The following GTF2E2 variants were observed in gnomAD, a reference collection of about 807,000 sequenced individuals.
GTF2E2 encodes the protein general transcription factor IIE subunit 2.
GTF2E2 carries 21 observed loss-of-function variants against 40.5 expected under a neutral mutation model. The ratio of observed to expected loss-of-function variants is 0.52; its 90% CI spans 0.37 to 0.75. The LOEUF (loss-of-function observed/expected upper bound fraction) is 0.75. GTF2E2 is among the 30% of genes least tolerant of loss of function. The pLI is 0.00. For missense variants in GTF2E2, 298 were observed against 338.4 expected, an observed-to-expected ratio of 0.88 and a Z score of 0.94; for synonymous variants, 117 against 121.6, an observed-to-expected ratio of 0.96 and a Z score of 0.25.
At chr8:30,580,539 C>T in intron 6 of GTF2E2, 143 bp from the exon 7 acceptor site, 2 of 621,666 alleles carry the variant, frequency 3.2e-6, no homozygotes, top group South Asian at 3.8e-5. Context: ...CAGGGCAGAA[C>T]ATCCACATGT....
At chr8:30,609,256 A>G (rs1829411288) in intron 5 of GTF2E2, among the ~76,000 whole-genome samples, 1 of 108,560 alleles carries the variant, frequency 9.2e-6, no homozygotes, top group Non-Finnish European at 1.9e-5. Flanking sequence ...ACAGAAAGAG[A>G]CTCCGCCTCA....
intron 2 of GTF2E2, chr8:30,643,449 G>C (rs376422443): frequency 3.3e-5 from 5 of 152,332 alleles, no homozygotes; most frequent in African/African-American, 1.2e-4. Flanking sequence ...ACAAGGTCAG[G>C]AGTTTGAGAC....
At chr8:30,616,913 T>C (rs1046729986) in intron 3 of GTF2E2, among the ~76,000 whole-genome samples, 3 of 152,072 alleles carry the variant, frequency 2.0e-5, no homozygotes, top group Admixed American at 2.0e-4. Context: ...TAAGTATACA[T>C]TTGAACTTTG....
chr8:30,623,211 G>A (rs982821238), intron 3 of GTF2E2, among the ~76,000 whole-genome samples: 5 of 151,952 alleles, frequency 3.3e-5, no homozygotes, highest in South Asian at 2.1e-4. Flanking sequence ...GGTTTCAGTC[G>A]GTCCCTCCAT....
At chr8:30,616,869 A>T (rs1186226036) in intron 3 of GTF2E2, among the ~76,000 whole-genome samples, 1 of 152,150 alleles carries the variant, frequency 6.6e-6, no homozygotes, top group Admixed American at 6.5e-5. Context: ...AAACATATGC[A>T]CTATGAACCC....
intron 5 of GTF2E2, among the ~76,000 whole-genome samples, chr8:30,610,569 A>G (rs1191548106): frequency 6.6e-6 from 1 of 152,194 alleles, no homozygotes; most frequent in Admixed American, 6.5e-5. Flanking sequence ...GATCTTCCAC[A>G]TGAGTACCAA....
At chr8:30,655,196 CAA>C (rs11452838) in intron 1 of GTF2E2, among the ~76,000 whole-genome samples, 6 of 134,036 alleles carry the variant, frequency 4.5e-5, no homozygotes, top group Admixed American at 7.6e-5. Flanking sequence ...AACTCTGTCT[CAA>C]AAAAAAAAAA....
chr8:30,614,290 ACATTCTAGGCAAGGCG>A (rs1800841835), intron 4 of GTF2E2, among the ~76,000 whole-genome samples: 1 of 152,176 alleles, frequency 6.6e-6, no homozygotes, highest in African/African-American at 2.4e-5. Flanking sequence ...CCATATTAAA[ACATTCTAGGCAAGGCG>A]CAGTGGCTCA....
chr8:30,648,446 C>A (rs1802169743), intron 2 of GTF2E2, among the ~76,000 whole-genome samples: 1 of 152,218 alleles, frequency 6.6e-6, no homozygotes, highest in African/African-American at 2.4e-5. Flanking sequence ...CCTAGCAATC[C>A]AATGACCGTG....
chr8:30,652,819 A>G (rs1314514596), intron 2 of GTF2E2, among the ~76,000 whole-genome samples: 1 of 152,248 alleles, frequency 6.6e-6, no homozygotes, highest in African/African-American at 2.4e-5. Flanking sequence ...ATAACCGTTT[A>G]TTGGTGAATG....
chr8:30,626,130 C>T (rs1018203219), intron 3 of GTF2E2, among the ~76,000 whole-genome samples: 1 of 152,184 alleles, frequency 6.6e-6, no homozygotes, highest in African/African-American at 2.4e-5. Context: ...AATTTTTACA[C>T]ACCAAGAGTC....
chr8:30,593,923 ATTTT>A (rs938563855), intron 6 of GTF2E2, among the ~76,000 whole-genome samples: 79 of 151,796 alleles, frequency 5.2e-4, no homozygotes, highest in Non-Finnish European at 9.7e-4. Flanking sequence ...GTCTATATTT[ATTTT>A]TTATTTTTTT....
intron 2 of GTF2E2, among the ~76,000 whole-genome samples, chr8:30,650,669 G>A (rs1802242359): frequency 6.7e-6 from 1 of 149,968 alleles, no homozygotes; most frequent in African/African-American, 2.5e-5. Context: ...AGTGAGCCAT[G>A]ATCATGCCCG....
intron 2 of GTF2E2, chr8:30,636,847 G>A (rs1409737383): frequency 8.6e-5 from 28 of 326,252 alleles, no homozygotes; most frequent in African/African-American, 4.1e-4. Flanking sequence ...GTGAGACTCC[G>A]TCTCAAAATT....
At chr8:30,580,558 G>A (rs893183178) in intron 6 of GTF2E2, among the ~76,000 whole-genome samples, 162 bp from the exon 7 acceptor site, 1 of 152,176 alleles carries the variant, frequency 6.6e-6, no homozygotes, top group Non-Finnish European at 1.5e-5. Context: ...GTGGGACACG[G>A]TGCAGGGAAA....
chr8:30,593,257 C>T (rs1034442498), intron 6 of GTF2E2, among the ~76,000 whole-genome samples: 1 of 152,140 alleles, frequency 6.6e-6, no homozygotes, highest in Admixed American at 6.5e-5. Flanking sequence ...TTCTATAAAT[C>T]CCAATTAGGT....
At chr8:30,599,897 C>T (rs1829125774) in intron 6 of GTF2E2, among the ~76,000 whole-genome samples, 1 of 152,100 alleles carries the variant, frequency 6.6e-6, no homozygotes, top group Non-Finnish European at 1.5e-5. Flanking sequence ...GCAGAAGAAT[C>T]GCTTGAACCC....
intron 6 of GTF2E2, among the ~76,000 whole-genome samples, chr8:30,587,928 T>C (rs964180030): frequency 1.3e-5 from 2 of 148,658 alleles, no homozygotes; most frequent in African/African-American, 5.0e-5. Flanking sequence ...TTGCTCATCA[T>C]TGCTAATCAT....
At chr8:30,633,093 A>G (rs1056120228) in intron 3 of GTF2E2, among the ~76,000 whole-genome samples, 3 of 152,198 alleles carry the variant, frequency 2.0e-5, no homozygotes, top group South Asian at 4.1e-4. Flanking sequence ...CTGTGCACCA[A>G]TAATTGTAAA....
Sources: allele counts gnomAD v4.1 joint callset (sites outside exome capture counted in the v4.1 genomes callset), GRCh38; gene constraint gnomAD v4.1.1; transcripts MANE v1.5; gene names NCBI Gene and HGNC (gene_info 2026-07-23, HGNC 2026-07-21).